LARGE1: variants seen among roughly 807,000 people sequenced by gnomAD.
LARGE1 encodes xylosyl- and glucuronyltransferase LARGE1.
LARGE1 carries 43 observed loss-of-function variants against 87.6 expected under a neutral mutation model. The ratio of observed to expected loss-of-function variants is 0.49; its 90% CI spans 0.38 to 0.63. The LOEUF is 0.63. Among genes scored for constraint, LARGE1 ranks in the 30% least tolerant of loss-of-function variants. The pLI, the probability that LARGE1 is intolerant of heterozygous loss-of-function variation, is 0.00. For missense variants in LARGE1, 802 were observed against 1,000.2 expected, an observed-to-expected ratio of 0.80 and a Z score of 2.67; for synonymous variants, 434 against 394.6, an observed-to-expected ratio of 1.10 and a Z score of -1.18.
In LARGE1 at chr22:33,272,613, A is replaced by G. The variant is rs150740054; in HGVS notation, c.*1814T>C. Among the ~76,000 whole-genome samples the G allele has an allele frequency of 5.3e-4, 80 of 152,354 alleles. No homozygotes were observed. The East Asian group carries it at 0.013, about 25-fold the overall frequency. On this transcript the variant is annotated 3_prime_UTR_variant, in exon 15 of 15. Transcript: ENST00000397394. ...ATGCTCTGTCTACATATATATTTAC[A>G]TACATACATAAGCCTAGCTAGATCT...
At chr22:33,442,101 T>C (rs1258128302) in intron 6 of LARGE1, among the ~76,000 whole-genome samples, 4 of 152,128 alleles carry the variant, frequency 2.6e-5, no homozygotes, top group Admixed American at 6.5e-5. Flanking sequence ...TAAGTGAAGA[T>C]GAGAGGAAGA....
the LARGE1 span, among the ~76,000 whole-genome samples, chr22:33,092,402 C>A: frequency 6.6e-6 from 1 of 152,138 alleles, no homozygotes; most frequent in African/African-American, 2.4e-5. Context: ...TATGTCCTGG[C>A]TGCCTAAGCT....
chr22:33,267,744 T>C (rs1602173853), downstream of LARGE1, among the ~76,000 whole-genome samples: 1 of 151,636 alleles, frequency 6.6e-6, no homozygotes, highest in East Asian at 1.9e-4. Flanking sequence ...GCATTGGTGC[T>C]GGAATCAGTA....
chr22:33,537,862 T>C (rs74814716), intron 6 of LARGE1, among the ~76,000 whole-genome samples: 20 of 152,252 alleles, frequency 1.3e-4, no homozygotes, highest in African/African-American at 4.8e-4. Flanking sequence ...TGAGCCACCA[T>C]GCCTGGCCCT....
chr22:33,632,704 G>A (rs1013764357), intron 3 of LARGE1, among the ~76,000 whole-genome samples: 1 of 152,022 alleles, frequency 6.6e-6, no homozygotes, highest in Non-Finnish European at 1.5e-5. Context: ...GACCAACACT[G>A]AGGACCTTTC....
At chr22:33,706,469 A>G (rs1391518108) in intron 2 of LARGE1, among the ~76,000 whole-genome samples, 1 of 152,228 alleles carries the variant, frequency 6.6e-6, no homozygotes, top group African/African-American at 2.4e-5. Context: ...AGGCTAGGAA[A>G]GAAGCCACAG....
chr22:33,636,633 T>C lies in LARGE1; in HGVS notation c.409-10307A>G, dbSNP rs1470265453. Among the ~76,000 whole-genome samples the C allele has an allele frequency of 2.0e-5, 3 of 152,126 alleles. No homozygotes were observed. In the East Asian group the frequency reaches 5.8e-4, roughly 29 times the overall value. Reference sequence around the variant, plus strand: ...GCCTCAAATTCCTGGGCTCAAGCGATCCTCTCACCTCAGCTTCCTAAGTAG... The same window carrying C: ...GCCTCAAATTCCTGGGCTCAAGCGACCCTCTCACCTCAGCTTCCTAAGTAG... On this transcript the variant is annotated intron_variant, in intron 3 of 14. Coordinates refer to ENST00000397394, the MANE Select transcript of LARGE1 (RefSeq NM_133642.5).
chr22:33,650,847 G>C (rs1284094915), intron 2 of LARGE1, among the ~76,000 whole-genome samples, 179 bp from the exon 3 acceptor site: 1 of 152,168 alleles, frequency 6.6e-6, no homozygotes, highest in Non-Finnish European at 1.5e-5. Flanking sequence ...GAACAAAGTT[G>C]AGAACAGAAC....
At chr22:33,198,665 ACACACACACACG>A (rs1924210506) in intron 11 of LARGE1, among the ~76,000 whole-genome samples, 1 of 142,798 alleles carries the variant, frequency 7.0e-6, no homozygotes, top group Admixed American at 7.0e-5. Flanking sequence ...ACACACACAC[ACACACACACACG>A]TATCTAAAAT....
At chr22:33,408,527 T>C (rs928289288) in intron 7 of LARGE1, among the ~76,000 whole-genome samples, 3 of 152,096 alleles carry the variant, frequency 2.0e-5, no homozygotes, top group Non-Finnish European at 2.9e-5. Flanking sequence ...CTTCCCCTAT[T>C]TATCAGGGTT....
intron 11 of LARGE1, among the ~76,000 whole-genome samples, chr22:33,309,354 A>C (rs1269881509): frequency 1.3e-5 from 2 of 152,100 alleles, no homozygotes; most frequent in African/African-American, 4.8e-5. Context: ...TTTAGTAGAG[A>C]TGGGATTTCG....
rs554081136 is a variant in LARGE1, at chr22:33,687,352, C to T, written c.107-36684G>A. 4.6e-4 allele frequency among the ~76,000 whole-genome samples: 69 copies of T among 151,602 alleles called. 1 individual carries two copies. The highest frequency in any genetic ancestry group is 1.0e-3 in the South Asian group (5 of 4,784). On this transcript the variant is annotated intron_variant, in intron 2 of 14. Transcript: ENST00000397394. ...ACCTTCTAAAATCCTACTCTCCATC[C>T]GATGCCTCAGTCTCCATCCCTTTAC...
chr22:33,086,558 T>TC, the LARGE1 span, among the ~76,000 whole-genome samples: 1 of 147,278 alleles, frequency 6.8e-6, no homozygotes, highest in East Asian at 2.0e-4. Context: ...ACTTTTTTTT[T>TC]TTTTTTTTTT....
At chr22:33,163,887 G>C (rs1030081760) in exon 12 of LARGE1, 7 of 152,174 alleles carry the variant, frequency 4.6e-5, no homozygotes, top group South Asian at 2.1e-4. Flanking sequence ...AATTGTGTGG[G>C]CTATCAGTGC....
intron 5 of LARGE1, among the ~76,000 whole-genome samples, chr22:33,590,897 T>C (rs1210326254): frequency 1.3e-5 from 2 of 152,138 alleles, no homozygotes; most frequent in Non-Finnish European, 2.9e-5. Flanking sequence ...GTGAGTTATG[T>C]TTAATATTTT....
At position 33,839,721 on chromosome 22, in the gene LARGE1, G is replaced by C. The variant is rs1382775831; in HGVS notation, c.-82-78163C>G. On this transcript the variant is annotated intron_variant, in intron 1 of 14. Transcript: ENST00000397394. The stretch of plus-strand genomic sequence containing the variant: ...TTTGCTAAAATTCTTAATTTCCCTA[G>C]AGACAGACTGACTGCCTTCAAATCA... Among the ~76,000 whole-genome samples the C allele has an allele frequency of 2.0e-5, 3 of 152,160 alleles. No homozygotes were observed. In the East Asian group the frequency reaches 5.8e-4, roughly 29 times the overall value.
intron 11 of LARGE1, among the ~76,000 whole-genome samples, chr22:33,194,536 TA>T (rs1313240000): frequency 6.6e-6 from 1 of 152,218 alleles, no homozygotes; most frequent in African/African-American, 2.4e-5. Flanking sequence ...ATGTCTGGGT[TA>T]TATGAAATAT....
intron 2 of LARGE1, among the ~76,000 whole-genome samples, chr22:33,709,176 C>T (rs1156424622): frequency 6.6e-6 from 1 of 152,162 alleles, no homozygotes; most frequent in African/African-American, 2.4e-5. Flanking sequence ...GTCATTACCA[C>T]TTTTATACCA....
chr22:33,327,431 G>T (rs557351669), intron 10 of LARGE1, among the ~76,000 whole-genome samples: 1 of 152,300 alleles, frequency 6.6e-6, no homozygotes, highest in African/African-American at 2.4e-5. Context: ...CTGCCTAGAT[G>T]GTGCAGCACT....
Sources: allele counts gnomAD v4.1 joint callset (sites outside exome capture counted in the v4.1 genomes callset), GRCh38; gene constraint gnomAD v4.1.1; transcripts MANE v1.5; gene names NCBI Gene and HGNC (gene_info 2026-07-23, HGNC 2026-07-21).